Variants in LMNTD1 observed in about 807,000 individuals in gnomAD.
The protein encoded by LMNTD1 is lamin tail domain containing 1, also known as lamin tail domain-containing protein 1.
In LMNTD1, 35 loss-of-function variants were observed where a neutral mutation model predicts 50.9. That is an observed-to-expected ratio of 0.69 (90% CI 0.53 to 0.91). The LOEUF (loss-of-function observed/expected upper bound fraction) is 0.91, where lower values mean the gene tolerates loss of function less well. LMNTD1 is among the 40% of genes least tolerant of loss of function. LMNTD1 has a pLI of 0.00. For synonymous variants in LMNTD1, 153 were observed against 161.9 expected, an observed-to-expected ratio of 0.94 and a Z score of 0.42; for missense variants, 470 against 475.5, an observed-to-expected ratio of 0.99 and a Z score of 0.11.
At chr12:25,615,064 A>C (rs1313863265) in intron 1 of LMNTD1, among the ~76,000 whole-genome samples, 2 of 152,190 alleles carry the variant, frequency 1.3e-5, no homozygotes, top group Admixed American at 1.3e-4. Context: ...ACTGGGGGAA[A>C]GGACGTCAAC....
rs993751337 is a variant in LMNTD1 at position 25,637,830 on chromosome 12, T to A, written c.58+10664A>T. On this transcript the variant is annotated intron_variant, in intron 1 of 7. Coordinates refer to the LMNTD1 transcript ENST00000445693. ...AATAGCCAACAAGCACATGAAAATA[T>A]CATTAATCATTAGGAGAATGGAAAT... 2.0e-5 allele frequency among the ~76,000 whole-genome samples: 3 copies of A among 152,044 alleles called. No homozygotes were observed. In the East Asian group the frequency reaches 5.8e-4, roughly 29 times the overall value.
At chr12:25,592,337 C>A (rs1486102386) in intron 1 of LMNTD1, among the ~76,000 whole-genome samples, 1 of 152,130 alleles carries the variant, frequency 6.6e-6, no homozygotes, top group African/African-American at 2.4e-5. Flanking sequence ...ACCCACAGAC[C>A]CTCTGAAGGA....
At position 25,529,634 on chromosome 12, in the gene LMNTD1, G is replaced by A. The variant is rs575979886; in HGVS notation, c.492-2679C>T. On this transcript the variant is annotated intron_variant, in intron 4 of 9. Transcript: ENST00000458174. The stretch of plus-strand genomic sequence containing the variant: ...CATCCCTGACTGCTGCCTTTATCAC[G>A]CTCTCATCATTTCTGTGAGACACTG... 2.4e-4 allele frequency among the ~76,000 whole-genome samples: 36 copies of A among 151,892 alleles called. No individual in the cohort carries two copies. In the South Asian group the frequency reaches 2.5e-3, roughly 11 times the overall value.
intron 8 of LMNTD1, among the ~76,000 whole-genome samples, chr12:25,518,142 T>C (rs1940948891): frequency 6.6e-6 from 1 of 152,222 alleles, no homozygotes; most frequent in South Asian, 2.1e-4. Context: ...CTAAACAGGC[T>C]TTCTCCAATA....
At chr12:25,478,321 T>C (rs1171850020) in intron 9 of LMNTD1, among the ~76,000 whole-genome samples, 1 of 152,156 alleles carries the variant, frequency 6.6e-6, no homozygotes, top group Non-Finnish European at 1.5e-5. Context: ...AATATAACTA[T>C]CCTTCATACA....
At position 25,547,453 on chromosome 12, in the gene LMNTD1, T is replaced by C. The variant is rs368582234; in HGVS notation, c.311-899A>G. On this transcript the variant is annotated intron_variant, in intron 3 of 9. Coordinates refer to ENST00000458174, the MANE Select transcript of LMNTD1 (RefSeq NM_001145728.2). ...ATAATATTTAATATTTATCTGCTAATAAATGATAGCTATTATTACAGTACA... is the reference window on the plus strand; with the variant it reads ...ATAATATTTAATATTTATCTGCTAACAAATGATAGCTATTATTACAGTACA... The C allele has an allele frequency of 3.3e-5, 5 of 151,940 alleles. No individual in the cohort carries two copies. In the East Asian group the frequency reaches 9.6e-4, roughly 29 times the overall value. The allele number at this position is 151,940 out of a possible 1,614,324, so 9.4% of individuals were successfully genotyped here. A position where few individuals can be genotyped will look rare whatever the true frequency, so the allele number is the denominator to read the frequency against.
chr12:25,511,539 G>C (rs1366703204), intron 8 of LMNTD1, among the ~76,000 whole-genome samples: 6 of 152,174 alleles, frequency 3.9e-5, no homozygotes, highest in African/African-American at 1.4e-4. Flanking sequence ...GTTCAGAATA[G>C]AATGTTGGGC....
intron 1 of LMNTD1, among the ~76,000 whole-genome samples, chr12:25,563,472 C>T (rs111859292): frequency 0.021 from 3,134 of 152,296 alleles, 90 homozygotes; most frequent in African/African-American, 0.065. Flanking sequence ...TATTGCAGAA[C>T]GGCAGATGTT....
intron 8 of LMNTD1, among the ~76,000 whole-genome samples, chr12:25,513,765 GA>G (rs1300929614): frequency 6.8e-6 from 1 of 147,066 alleles, no homozygotes; most frequent in African/African-American, 2.5e-5. Flanking sequence ...TTAAAAAAGT[GA>G]AAAAAAGTTA....
chr12:25,544,255 G>A (rs1943285858), intron 4 of LMNTD1, among the ~76,000 whole-genome samples: 1 of 151,814 alleles, frequency 6.6e-6, no homozygotes, highest in Non-Finnish European at 1.5e-5. Context: ...TTTGGTGTGG[G>A]GTGTACAGAT....
intron 1 of LMNTD1, among the ~76,000 whole-genome samples, chr12:25,568,845 T>C (rs956856555): frequency 3.9e-5 from 6 of 152,316 alleles, no homozygotes; most frequent in African/African-American, 1.4e-4. Context: ...TCCACCTAGA[T>C]TTCAGAGGAT....
At chr12:25,571,213 T>G (rs558244929) in intron 1 of LMNTD1, among the ~76,000 whole-genome samples, 1 of 152,338 alleles carries the variant, frequency 6.6e-6, no homozygotes, top group Non-Finnish European at 1.5e-5. Flanking sequence ...TAAATTTAGT[T>G]ATTTAGGAAA....
chr12:25,543,859 A>G (rs916109654), intron 4 of LMNTD1, among the ~76,000 whole-genome samples: 1 of 151,734 alleles, frequency 6.6e-6, no homozygotes, highest in African/African-American at 2.4e-5. Context: ...GGTTGCTTGG[A>G]ACTGTGTTTC....
In LMNTD1 at chr12:25,513,399, C is replaced by T. The variant is rs1448774876; in HGVS notation, c.1189+5396G>A. On this transcript the variant is annotated intron_variant, in intron 8 of 9. Coordinates refer to ENST00000458174, the MANE Select transcript of LMNTD1 (RefSeq NM_001145728.2). ...CAGTGGCTCATGCCTGTAATCCCAGCACTTTGGAGGGCCAACACTTGAGGT... is the reference window on the plus strand; with the variant it reads ...CAGTGGCTCATGCCTGTAATCCCAGTACTTTGGAGGGCCAACACTTGAGGT... 2.0e-5 allele frequency among the ~76,000 whole-genome samples: 3 copies of T among 152,200 alleles called. No individual in the cohort carries two copies. The East Asian group carries it at 5.8e-4, about 29-fold the overall frequency.
chr12:25,632,014 G>T (rs1344656228), intron 1 of LMNTD1, among the ~76,000 whole-genome samples: 1 of 152,126 alleles, frequency 6.6e-6, no homozygotes, highest in African/African-American at 2.4e-5. Context: ...GCTCTGCAAA[G>T]CCTCAGCAAT....
intron 8 of LMNTD1, 72 bp from the exon 9 acceptor site, chr12:25,503,872 T>C: frequency 2.7e-6 from 2 of 736,528 alleles, no homozygotes; most frequent in Non-Finnish European, 4.4e-6. Context: ...CAGTCCAGTA[T>C]TCCAAGTATT....
intron 9 of LMNTD1, among the ~76,000 whole-genome samples, chr12:25,477,440 T>G (rs757579011): frequency 1.1e-4 from 16 of 151,966 alleles, no homozygotes; most frequent in Non-Finnish European, 1.8e-4. Flanking sequence ...AGTGACTCTT[T>G]CCCCTGAGAG....
At position 25,565,665 on chromosome 12, in the gene LMNTD1, A is replaced by G. The variant is rs993327511; in HGVS notation, c.59-19111T>C. On this transcript the variant is annotated intron_variant, in intron 1 of 7. Transcript: ENST00000445693. ...TATAATGTTCTGTGTTTTTCTGTAT[A>G]TTTACTATTACCAGTGAATTTTGTA... Among the ~76,000 whole-genome samples the G allele has an allele frequency of 1.3e-5, 2 of 152,106 alleles. 1 individual carries two copies. Among genetic ancestry groups the G allele is most frequent in the South Asian group, 4.1e-4 (2 of 4,824 alleles).
At chr12:25,602,364 T>C (rs1344309468) in intron 1 of LMNTD1, among the ~76,000 whole-genome samples, 1 of 151,932 alleles carries the variant, frequency 6.6e-6, no homozygotes, top group East Asian at 1.9e-4. Flanking sequence ...ACCCACATTG[T>C]ATTGACTTTC....
Sources: gnomAD v4.1 joint callset for allele counts (sites outside exome capture counted in the v4.1 genomes callset) on GRCh38, gnomAD v4.1.1 for gene constraint, MANE v1.5 for transcripts, NCBI Gene and HGNC (gene_info 2026-07-23, HGNC 2026-07-21) for gene names.